Variants in SPIDR observed in about 807,000 individuals in gnomAD.
The protein encoded by SPIDR is DNA repair-scaffolding protein.
SPIDR carries 93 observed loss-of-function variants against 104.6 expected under a neutral mutation model. The ratio of observed to expected loss-of-function variants is 0.89; its 90% CI spans 0.75 to 1.06. The LOEUF (loss-of-function observed/expected upper bound fraction) is 1.06, where lower values mean the gene tolerates loss of function less well. Ranked by LOEUF, SPIDR falls within the 50% of genes least tolerant of loss-of-function variation. The probability of loss-of-function intolerance (pLI) is 0.00; values close to 1 mark genes in which losing one functional copy is unlikely to be tolerated. For missense variants in SPIDR, 1,154 were observed against 1,111.2 expected, an observed-to-expected ratio of 1.04 and a Z score of -0.55; for synonymous variants, 431 against 416.9, an observed-to-expected ratio of 1.03 and a Z score of -0.41.
At chr8:47,616,395 C>T (rs2064317609) in intron 10 of SPIDR, among the ~76,000 whole-genome samples, 1 of 152,236 alleles carries the variant, frequency 6.6e-6, no homozygotes, top group East Asian at 1.9e-4. Context: ...TTGTCAAGTG[C>T]TTTTTCTGCA....
intron 5 of SPIDR, among the ~76,000 whole-genome samples, chr8:47,313,766 A>G (rs1261781630): frequency 2.0e-5 from 3 of 152,252 alleles, no homozygotes; most frequent in African/African-American, 4.8e-5. Context: ...CCACATATCT[A>G]CAACCATCTG....
chr8:47,557,340 T>C lies in SPIDR; in HGVS notation c.1098-38471T>C, dbSNP rs556991093. 3.3e-5 allele frequency among the ~76,000 whole-genome samples: 5 copies of C among 152,188 alleles called. No homozygotes were observed. In the South Asian group the frequency reaches 1.0e-3, roughly 32 times the overall value. On this transcript the variant is annotated intron_variant, in intron 8 of 19. Transcript: ENST00000297423. ...TATTCCTGAACCCTAGGAACCTACG[T>C]CTTGATGCTGTCTTAGAGAAGGCGC...
At chr8:47,320,397 G>A (rs573896828) in intron 5 of SPIDR, among the ~76,000 whole-genome samples, 1 of 152,244 alleles carries the variant, frequency 6.6e-6, no homozygotes, top group South Asian at 2.1e-4. Flanking sequence ...GACTAAACCA[G>A]AAAGAAGTTG....
chr8:47,675,705 A>G (rs2076346898), intron 11 of SPIDR, among the ~76,000 whole-genome samples: 2 of 152,208 alleles, frequency 1.3e-5, no homozygotes, highest in Non-Finnish European at 2.9e-5. Flanking sequence ...AGTCCCAGCT[A>G]CTTAGGCTGA....
intron 16 of SPIDR, among the ~76,000 whole-genome samples, chr8:47,717,427 G>A (rs1029160358): frequency 6.6e-6 from 1 of 152,144 alleles, no homozygotes; most frequent in African/African-American, 2.4e-5. Flanking sequence ...CAGAAGAATC[G>A]CCACCACCCA....
chr8:47,405,312 GTGTGTGTGTGTATATA>G (rs1438563971), intron 6 of SPIDR, among the ~76,000 whole-genome samples: 7 of 151,440 alleles, frequency 4.6e-5, no homozygotes, highest in African/African-American at 7.3e-5. Flanking sequence ...GTGTGTGTGT[GTGTGTGTGTGTATATA>G]TGTGTGTGTG....
At chr8:47,417,466 A>G (rs1384254613) in intron 7 of SPIDR, among the ~76,000 whole-genome samples, 54 of 151,898 alleles carry the variant, frequency 3.6e-4, no homozygotes, top group Non-Finnish European at 1.3e-4. Context: ...CCACTTGTTG[A>G]TGGGGTTGTT....
At chr8:47,309,021 T>G (rs782197854) in intron 5 of SPIDR, among the ~76,000 whole-genome samples, 2 of 152,388 alleles carry the variant, frequency 1.3e-5, no homozygotes, top group African/African-American at 4.8e-5. Context: ...AATGATCTTC[T>G]AGGTGGAGCA....
At chr8:47,621,827 T>C (rs1327223780) in intron 10 of SPIDR, among the ~76,000 whole-genome samples, 2 of 152,090 alleles carry the variant, frequency 1.3e-5, no homozygotes, top group African/African-American at 2.4e-5. Flanking sequence ...TAGCCAGGCA[T>C]GATGGTGGGT....
At chr8:47,384,037 G>A (rs2154302133) in intron 5 of SPIDR, among the ~76,000 whole-genome samples, 1 of 152,258 alleles carries the variant, frequency 6.6e-6, no homozygotes, top group East Asian at 1.9e-4. Flanking sequence ...TTTTGGTAAT[G>A]CATTCACAAA....
intron 5 of SPIDR, among the ~76,000 whole-genome samples, chr8:47,317,921 T>G (rs1396197379): frequency 6.6e-6 from 1 of 151,900 alleles, no homozygotes; most frequent in Non-Finnish European, 1.5e-5. Context: ...AGAAAGGATA[T>G]CCACTCCAAA....
intron 8 of SPIDR, among the ~76,000 whole-genome samples, chr8:47,451,942 G>A (rs2071844030): frequency 6.6e-6 from 1 of 152,178 alleles, no homozygotes; most frequent in East Asian, 1.9e-4. Flanking sequence ...TCTGAACCAG[G>A]ATTGTGGAGC....
chr8:47,712,721 T>G lies in SPIDR; in HGVS notation c.2037T>G (p.Thr679=). 6.2e-7 allele frequency: 1 copy of G among 1,614,212 alleles called. No individual in the cohort carries two copies. The highest frequency in any genetic ancestry group is 8.5e-7 in the Non-Finnish European group (1 of 1,180,038). ...TCTGGCTGCTAGTGACCGATGTCACTCTGCAAACGAAGGAGGAGAGAGACC... is the reference window on the plus strand; with the variant it reads ...TCTGGCTGCTAGTGACCGATGTCACGCTGCAAACGAAGGAGGAGAGAGACC... ...REIWLLVTDV[T]LQTKEERDPR... Residue 679 remains threonine, a synonymous_variant, in exon 15 of 20, where the codon ACT becomes ACG. Transcript: ENST00000297423.
At chr8:47,734,054 C>A (rs1342073129) in intron 19 of SPIDR, among the ~76,000 whole-genome samples, 2 of 152,088 alleles carry the variant, frequency 1.3e-5, no homozygotes, top group East Asian at 3.9e-4. Context: ...CAAAACAAAC[C>A]ATCTCAAAAC....
At chr8:47,502,603 A>AT (rs1303427627) in intron 8 of SPIDR, among the ~76,000 whole-genome samples, 4 of 151,978 alleles carry the variant, frequency 2.6e-5, no homozygotes, top group Admixed American at 1.3e-4. Context: ...GGATTCATTG[A>AT]TTTTTTGAAG....
intron 11 of SPIDR, among the ~76,000 whole-genome samples, chr8:47,685,206 G>A (rs900873814): frequency 5.3e-5 from 8 of 152,114 alleles, no homozygotes; most frequent in Admixed American, 1.3e-4. Flanking sequence ...GCAAAACTCC[G>A]TCTCAAAAAA....
chr8:47,262,907 C>T (rs1038196821), intron 1 of SPIDR, among the ~76,000 whole-genome samples: 1 of 152,212 alleles, frequency 6.6e-6, no homozygotes, highest in Non-Finnish European at 1.5e-5. Context: ...TCAGAGGTGA[C>T]TTTCCCTTAG....
chr8:47,593,044 GC>G (rs1163923710), intron 8 of SPIDR, among the ~76,000 whole-genome samples: 1 of 151,814 alleles, frequency 6.6e-6, no homozygotes, highest in Non-Finnish European at 1.5e-5. Flanking sequence ...GCCCCACCAC[GC>G]CCAGCTAATT....
intron 5 of SPIDR, among the ~76,000 whole-genome samples, chr8:47,319,938 A>G (rs1554593446): frequency 1.3e-5 from 2 of 151,980 alleles, no homozygotes; most frequent in African/African-American, 2.4e-5. Flanking sequence ...TCTGGGACAC[A>G]TTCAAAGCAG....
Sources: allele counts gnomAD v4.1 joint callset (sites outside exome capture counted in the v4.1 genomes callset), GRCh38; gene constraint gnomAD v4.1.1; transcripts MANE v1.5; gene names NCBI Gene and HGNC (gene_info 2026-07-23, HGNC 2026-07-21).